KCTD20: variants seen among roughly 807,000 people sequenced by gnomAD.
KCTD20 encodes BTB/POZ domain-containing protein KCTD20.
In KCTD20, 30 loss-of-function variants were observed where a neutral mutation model predicts 39.6. The observed-to-expected ratio is 0.76, with a 90% CI of 0.57 to 1.03. The LOEUF (loss-of-function observed/expected upper bound fraction) is 1.03. KCTD20 is among the 50% of genes least tolerant of loss of function. The probability of loss-of-function intolerance (pLI) is 0.00; values close to 1 mark genes in which losing one functional copy is unlikely to be tolerated. For missense variants in KCTD20, 422 were observed against 522.0 expected, an observed-to-expected ratio of 0.81 and a Z score of 1.87; for synonymous variants, 162 against 180.6, an observed-to-expected ratio of 0.90 and a Z score of 0.83.
intron 1 of KCTD20, chr6:36,443,674 A>G (rs1425469860): frequency 6.6e-6 from 1 of 152,194 alleles, no homozygotes; most frequent in Non-Finnish European, 1.5e-5. Flanking sequence ...GAGCTGGGGA[A>G]AGCCTTAACC....
intron 1 of KCTD20, among the ~76,000 whole-genome samples, chr6:36,448,352 G>T (rs1193846164): frequency 6.6e-6 from 1 of 152,146 alleles, no homozygotes; most frequent in Non-Finnish European, 1.5e-5. Context: ...ATGAATTATT[G>T]TTGCATAGAT....
intron 1 of KCTD20, among the ~76,000 whole-genome samples, chr6:36,468,562 A>G (rs757170502): frequency 1.8e-4 from 27 of 152,214 alleles, no homozygotes; most frequent in Non-Finnish European, 3.4e-4. Flanking sequence ...GTTCTTTCCA[A>G]TTCCATGGAC....
rs1046667063 is a variant in KCTD20, at chr6:36,487,888, T to C, written c.*713T>C. The C allele has an allele frequency of 1.3e-5, 2 of 152,322 alleles. No homozygotes were observed. The highest frequency in any genetic ancestry group is 2.9e-5 in the Non-Finnish European group (2 of 68,034). The allele number at this position is 152,322 out of a possible 1,614,324, so 9.4% of individuals were successfully genotyped here. On this transcript the variant is annotated 3_prime_UTR_variant, in exon 8 of 8. Coordinates refer to ENST00000373731, the MANE Select transcript of KCTD20 (RefSeq NM_173562.5). ...GGAGTCTAAACAAATGGATGATTCA[T>C]TTGGAATGAAACTCACAATGCAAGT... is the stretch of plus-strand genomic sequence containing the variant.
chr6:36,483,118 C>CTAA (rs1776306061), intron 6 of KCTD20, among the ~76,000 whole-genome samples: 12 of 108,276 alleles, frequency 1.1e-4, no homozygotes, highest in South Asian at 2.9e-4. Context: ...GACTCCGTTT[C>CTAA]AAAAAAAAAA....
At chr6:36,464,269 A>G (rs1453624782) in intron 1 of KCTD20, among the ~76,000 whole-genome samples, 1 of 152,220 alleles carries the variant, frequency 6.6e-6, no homozygotes, top group Non-Finnish European at 1.5e-5. Context: ...ATATAAAATG[A>G]GTTAGGAAAA....
chr6:36,488,028 T>C lies in KCTD20; in HGVS notation c.*853T>C, dbSNP rs1274644227. The C allele has an allele frequency of 6.6e-6, 1 of 152,200 alleles. No individual in the cohort carries two copies. The allele number at this position is 152,200 out of a possible 1,614,324, so 9.4% of individuals were successfully genotyped here. On this transcript the variant is annotated 3_prime_UTR_variant, in exon 8 of 8. Coordinates refer to ENST00000373731, the MANE Select transcript of KCTD20 (RefSeq NM_173562.5). Reference sequence around the variant, plus strand: ...TTGCTGTGGATATGTCCAGGAGACCTTAGATATGGCTTAAAGGCTTTCAAG... The same window carrying C: ...TTGCTGTGGATATGTCCAGGAGACCCTAGATATGGCTTAAAGGCTTTCAAG...
At chr6:36,472,554 A>G (rs1236300631) in intron 2 of KCTD20, among the ~76,000 whole-genome samples, 1 of 151,964 alleles carries the variant, frequency 6.6e-6, no homozygotes, top group African/African-American at 2.4e-5. Flanking sequence ...TTTTTTTCAA[A>G]AAGGGCTTGA....
intron 1 of KCTD20, among the ~76,000 whole-genome samples, chr6:36,449,567 C>G (rs1288639279): frequency 2.6e-5 from 4 of 152,204 alleles, no homozygotes; most frequent in Non-Finnish European, 5.9e-5. Context: ...AATCCTTTAG[C>G]TAGGCAGAAA....
rs1776458791 is a variant in KCTD20 at position 36,487,344 on chromosome 6, C to G, written c.*169C>G. 3 of 668,338 alleles carry G rather than the reference C, an allele frequency of 4.5e-6. No individual in the cohort carries two copies. Among genetic ancestry groups the G allele is most frequent in the Non-Finnish European group, 5.0e-6 (2 of 402,382 alleles). The allele number at this position is 668,338 out of a possible 1,614,324, so 41.4% of individuals were successfully genotyped here. A position where few individuals can be genotyped will look rare whatever the true frequency, so the allele number is the denominator to read the frequency against. ...CTTTTCAGTAAGTCCATGCCTCTGG[C>G]AGGGGATGAAGAAGTACTCACTGGT... is the stretch of plus-strand genomic sequence containing the variant. On this transcript the variant is annotated 3_prime_UTR_variant, in exon 8 of 8. Coordinates refer to ENST00000373731, the MANE Select transcript of KCTD20 (RefSeq NM_173562.5).
intron 2 of KCTD20, among the ~76,000 whole-genome samples, chr6:36,472,114 C>T (rs937868623): frequency 3.9e-5 from 6 of 152,334 alleles, no homozygotes; most frequent in Admixed American, 3.3e-4. Context: ...TTCCAAAGTG[C>T]TGGGACTACA....
chr6:36,470,000 C>A lies in KCTD20; in HGVS notation c.-46-52C>A. The stretch of plus-strand genomic sequence containing the variant: ...AGTTTTGCTTTCATACCATGGAATT[C>A]CTTAGAAATCTGTTTTGTGAGTTCT... On this transcript the variant is annotated intron_variant, in intron 1 of 7. Transcript: ENST00000373731. The surrounding 1 kb of genome is among the most constrained non-coding windows in gnomAD (Gnocchi z 4.6). 8.9e-7 allele frequency: 1 copy of A among 1,124,788 alleles called. No individual in the cohort carries two copies. Among genetic ancestry groups the A allele is most frequent in the South Asian group, 2.4e-5 (1 of 41,226 alleles). 69.7% of individuals were successfully genotyped at this position (1,124,788 alleles called of 1,614,324 possible).
At chr6:36,457,829 T>C (rs1775484010) in intron 1 of KCTD20, among the ~76,000 whole-genome samples, 1 of 152,080 alleles carries the variant, frequency 6.6e-6, no homozygotes, top group African/African-American at 2.4e-5. Context: ...TTTCCGGGGG[T>C]AGGATTAAAC....
At chr6:36,449,086 G>A (rs1433358609) in intron 1 of KCTD20, among the ~76,000 whole-genome samples, 4 of 152,302 alleles carry the variant, frequency 2.6e-5, no homozygotes, top group East Asian at 1.9e-4. Context: ...TGTGAGGAGC[G>A]AAAGAATAAA....
chr6:36,475,598 A>G (rs1370482969), intron 3 of KCTD20, among the ~76,000 whole-genome samples: 2 of 152,168 alleles, frequency 1.3e-5, no homozygotes, highest in Non-Finnish European at 2.9e-5. Context: ...AGCCCCACAA[A>G]AGGAAATAAA....
intron 1 of KCTD20, among the ~76,000 whole-genome samples, chr6:36,464,039 C>G (rs1775673002): frequency 6.6e-6 from 1 of 152,082 alleles, no homozygotes; most frequent in South Asian, 2.1e-4. Flanking sequence ...AACAAAAGAA[C>G]CTACCTTACA....
rs1053691878 is a variant in KCTD20 at position 36,443,048 on chromosome 6, G to A, written c.-110G>A. On this transcript the variant is annotated 5_prime_UTR_variant, in exon 1 of 8. Transcript: ENST00000373731. ...TCCCGGCTGCGGCTTCTGGCTGCGCGGCCTGCGCGCGCCTCCCGGGCGGAT... is the reference window on the plus strand; with the variant it reads ...TCCCGGCTGCGGCTTCTGGCTGCGCAGCCTGCGCGCGCCTCCCGGGCGGAT... 7 of 151,494 alleles carry A rather than the reference G, an allele frequency of 4.6e-5. No individual in the cohort carries two copies. Among genetic ancestry groups the A allele is most frequent in the East Asian group, 1.9e-4 (1 of 5,152 alleles). 9.4% of individuals were successfully genotyped at this position (151,494 alleles called of 1,614,324 possible).
Position 36,482,945 on chromosome 6 carries a change from C to CA in KCTD20, c.856+1206dup, listed in dbSNP as rs1193405719. Among the ~76,000 whole-genome samples, 271 of 82,238 alleles carry CA rather than the reference C, an allele frequency of 3.3e-3. 1 individual carries two copies. The highest frequency in any genetic ancestry group is 6.4e-3 in the Admixed American group (49 of 7,708). 54.0% of individuals were successfully genotyped at this position (82,238 alleles called of 152,430 possible). On this transcript the variant is annotated intron_variant, in intron 6 of 7. Transcript: ENST00000373731. ...TGAGTGACAGAGCAAGACTACGTCT[C>CA]AAAAAAAAAAAAAAAAAAAAGATTA...
chr6:36,487,255 C>G lies in KCTD20; in HGVS notation c.*80C>G. The G allele has an allele frequency of 7.1e-7, 1 of 1,416,144 alleles. No homozygotes were observed. The highest frequency in any genetic ancestry group is 1.3e-5 in the South Asian group (1 of 75,808). The allele number at this position is 1,416,144 out of a possible 1,614,324, so 87.7% of individuals were successfully genotyped here. The stretch of plus-strand genomic sequence containing the variant: ...GCCAGCCCTCCCTCGTGATTTGTCT[C>G]ACCTTGAGTAGGAGACATGCTTCTC... On this transcript the variant is annotated 3_prime_UTR_variant, in exon 8 of 8. Coordinates refer to ENST00000373731, the MANE Select transcript of KCTD20 (RefSeq NM_173562.5).
Position 36,487,223 on chromosome 6 carries a change from G to A in KCTD20, c.*48G>A. 2 of 1,558,474 alleles carry A rather than the reference G, an allele frequency of 1.3e-6. No individual in the cohort carries two copies. The highest frequency in any genetic ancestry group is 2.7e-5 in the African/African-American group (2 of 73,608). On this transcript the variant is annotated 3_prime_UTR_variant, in exon 8 of 8. Transcript: ENST00000373731. Reference sequence around the variant, plus strand: ...TGTTGGAGCCCATCTCACCTGGGATGCCTGCAGCCAGCCCTCCCTCGTGAT... The same window carrying A: ...TGTTGGAGCCCATCTCACCTGGGATACCTGCAGCCAGCCCTCCCTCGTGAT...
Sources: allele counts gnomAD v4.1 joint callset (sites outside exome capture counted in the v4.1 genomes callset), GRCh38; gene constraint gnomAD v4.1.1; non-coding constraint Gnocchi (gnomAD v3.1); transcripts MANE v1.5; gene names NCBI Gene and HGNC (gene_info 2026-07-23, HGNC 2026-07-21).